LMBR1: variants seen among roughly 807,000 people sequenced by gnomAD.
LMBR1 encodes the protein limb region 1 protein homolog.
A neutral mutation model predicts 73.9 loss-of-function variants in LMBR1; 52 were observed. The observed-to-expected ratio is 0.70, with a 90% CI of 0.56 to 0.89. The LOEUF (loss-of-function observed/expected upper bound fraction) is 0.89. Among genes scored for constraint, LMBR1 ranks in the 40% least tolerant of loss-of-function variants. LMBR1 has a pLI of 0.00. For missense variants in LMBR1, 539 were observed against 579.8 expected (o/e 0.93, Z 0.72); for synonymous variants, 215 against 209.4 (o/e 1.03, Z -0.23).
intron 5 of LMBR1, among the ~76,000 whole-genome samples, chr7:156,774,828 A>G (rs1381946504): frequency 2.0e-5 from 3 of 152,004 alleles, no homozygotes; most frequent in Non-Finnish European, 4.4e-5. Context: ...GCGAGACTCC[A>G]TCTCAAAAAA....
chr7:156,881,544 G>A (rs1235216586), intron 1 of LMBR1, among the ~76,000 whole-genome samples: 1 of 152,128 alleles, frequency 6.6e-6, no homozygotes, highest in East Asian at 1.9e-4. Context: ...ACATAGTGAT[G>A]GAAATGAGAG....
intron 1 of LMBR1, among the ~76,000 whole-genome samples, chr7:156,883,487 C>T (rs1369408883): frequency 1.3e-5 from 2 of 152,076 alleles, no homozygotes; most frequent in Non-Finnish European, 2.9e-5. Flanking sequence ...ACCTCAAGTA[C>T]ACAACTATGG....
At position 156,719,374 on chromosome 7, in the gene LMBR1, T is replaced by C. The variant is rs1813993832; in HGVS notation, c.1225+4738A>G. Reference sequence around the variant, plus strand: ...TATGTGCCACATTTTCTTAATCCAGTCTATCATTGTTGGACATTTGGATTG... The same window carrying C: ...TATGTGCCACATTTTCTTAATCCAGCCTATCATTGTTGGACATTTGGATTG... On this transcript the variant is annotated intron_variant, in intron 15 of 16. Transcript: ENST00000353442. Among the ~76,000 whole-genome samples, 4 of 152,256 alleles carry C rather than the reference T, an allele frequency of 2.6e-5. No homozygotes were observed. In the South Asian group the frequency reaches 8.3e-4, roughly 32 times the overall value.
intron 9 of LMBR1, among the ~76,000 whole-genome samples, chr7:156,743,653 T>C (rs1287026888): frequency 1.3e-5 from 2 of 152,228 alleles, no homozygotes; most frequent in Non-Finnish European, 2.9e-5. Flanking sequence ...CTTTATTTCT[T>C]CATTTTCTTC....
chr7:156,859,099 C>T (rs1264231761), intron 1 of LMBR1, among the ~76,000 whole-genome samples: 1 of 151,924 alleles, frequency 6.6e-6, no homozygotes, highest in Non-Finnish European at 1.5e-5. Context: ...ACTAAAAATA[C>T]AAAATTAGCC....
intron 5 of LMBR1, among the ~76,000 whole-genome samples, chr7:156,787,048 TG>T (rs1828232854): frequency 6.6e-6 from 1 of 152,168 alleles, no homozygotes; most frequent in Admixed American, 6.5e-5. Context: ...CGCCTACAGA[TG>T]AGCTCGCAGG....
At chr7:156,872,545 G>A (rs1799456726) in intron 1 of LMBR1, among the ~76,000 whole-genome samples, 3 of 151,950 alleles carry the variant, frequency 2.0e-5, no homozygotes, top group Admixed American at 2.0e-4. Context: ...TACTTGGGAG[G>A]CTGAGGCAGA....
chr7:156,805,116 A>G (rs1358221506), intron 4 of LMBR1, among the ~76,000 whole-genome samples: 3 of 151,818 alleles, frequency 2.0e-5, no homozygotes, highest in South Asian at 4.1e-4. Context: ...TTCCCTTGGC[A>G]CCTTTGTCAA....
At chr7:156,795,099 C>G (rs1257153687) in intron 5 of LMBR1, among the ~76,000 whole-genome samples, 2 of 152,148 alleles carry the variant, frequency 1.3e-5, no homozygotes, top group African/African-American at 4.8e-5. Context: ...AAGTACCGGC[C>G]ATTCCCTCAA....
intron 9 of LMBR1, among the ~76,000 whole-genome samples, chr7:156,746,905 C>A (rs535920227): frequency 2.0e-5 from 3 of 152,126 alleles, no homozygotes; most frequent in Non-Finnish European, 4.4e-5. Flanking sequence ...CCAAATGAAT[C>A]TAAAATGTCC....
At chr7:156,725,720 T>A (rs763380260) in intron 13 of LMBR1, 44 bp downstream of exon 13, 32 of 1,564,352 alleles carry the variant, frequency 2.0e-5, no homozygotes, top group Non-Finnish European at 2.5e-5. Flanking sequence ...AAACTTGGTA[T>A]AAAATTTGTG....
At chr7:156,851,779 T>C (rs1796274370) in intron 1 of LMBR1, among the ~76,000 whole-genome samples, 1 of 152,236 alleles carries the variant, frequency 6.6e-6, no homozygotes, top group African/African-American at 2.4e-5. Flanking sequence ...AATGGTGGAA[T>C]TTCAGATTAT....
intron 4 of LMBR1, among the ~76,000 whole-genome samples, chr7:156,809,653 G>A (rs1259683295): frequency 6.6e-6 from 1 of 152,146 alleles, no homozygotes; most frequent in South Asian, 2.1e-4. Context: ...TGAATCTACA[G>A]ATCTAGAATC....
intron 4 of LMBR1, among the ~76,000 whole-genome samples, chr7:156,819,759 G>C (rs1285763491): frequency 6.6e-6 from 1 of 152,168 alleles, no homozygotes; most frequent in African/African-American, 2.4e-5. Context: ...GGGGCTTATG[G>C]AGGTCAGGTA....
At chr7:156,819,730 T>C (rs548003978) in intron 4 of LMBR1, among the ~76,000 whole-genome samples, 1 of 152,314 alleles carries the variant, frequency 6.6e-6, no homozygotes, top group South Asian at 2.1e-4. Context: ...ACCTTCCCTG[T>C]GGCTCTCCAG....
intron 5 of LMBR1, among the ~76,000 whole-genome samples, chr7:156,768,855 C>A (rs1435640059): frequency 6.6e-6 from 1 of 152,160 alleles, no homozygotes; most frequent in African/African-American, 2.4e-5. Flanking sequence ...TCCATTTCAA[C>A]AAGAGCTGAG....
chr7:156,820,515 T>C (rs1360971181), intron 4 of LMBR1, among the ~76,000 whole-genome samples: 2 of 152,144 alleles, frequency 1.3e-5, no homozygotes, highest in Admixed American at 6.5e-5. Flanking sequence ...TGGTAAGACA[T>C]TTGTGTGTCA....
At chr7:156,784,790 A>T (rs1827783889) in intron 5 of LMBR1, among the ~76,000 whole-genome samples, 1 of 152,158 alleles carries the variant, frequency 6.6e-6, no homozygotes, top group Non-Finnish European at 1.5e-5. Flanking sequence ...CTAACTCTAC[A>T]CAGATGTAAA....
intron 1 of LMBR1, among the ~76,000 whole-genome samples, chr7:156,856,025 C>T (rs1239503531): frequency 6.6e-6 from 1 of 152,118 alleles, no homozygotes; most frequent in African/African-American, 2.4e-5. Context: ...GAAACCCTGT[C>T]TCTACTAAAA....
Sources: allele counts gnomAD v4.1 joint callset (sites outside exome capture counted in the v4.1 genomes callset), GRCh38; gene constraint gnomAD v4.1.1; transcripts MANE v1.5; gene names NCBI Gene and HGNC (gene_info 2026-07-23, HGNC 2026-07-21).